SORCS3: variants seen among roughly 807,000 people sequenced by gnomAD.
SORCS3 encodes the protein sortilin related VPS10 domain containing receptor 3.
A neutral mutation model predicts 146.3 loss-of-function variants in SORCS3; 57 were observed. The observed-to-expected ratio is 0.39, with a 90% confidence interval of 0.31 to 0.49. The LOEUF is 0.49. Ranked by LOEUF, SORCS3 falls within the 20% of genes least tolerant of loss-of-function variation. The pLI is 0.92. For synonymous variants in SORCS3, 653 were observed against 618.5 expected (o/e 1.06, Z -0.83); for missense variants, 1,341 against 1,575.5 (o/e 0.85, Z 2.52).
intron 6 of SORCS3, among the ~76,000 whole-genome samples, chr10:105,103,183 G>A (rs1007918104): frequency 8.5e-5 from 13 of 152,188 alleles, no homozygotes; most frequent in African/African-American, 1.4e-4. Flanking sequence ...TAAAATAGGC[G>A]AATGTTTGCA....
At chr10:105,175,315 C>T (rs2056392564) in intron 13 of SORCS3, among the ~76,000 whole-genome samples, 1 of 151,884 alleles carries the variant, frequency 6.6e-6, no homozygotes, top group African/African-American at 2.4e-5. Flanking sequence ...CTGCCTCAGC[C>T]TCCTAAAGTG....
intron 16 of SORCS3, among the ~76,000 whole-genome samples, chr10:105,201,761 G>T (rs1000732195): frequency 6.6e-6 from 1 of 151,998 alleles, no homozygotes; most frequent in Non-Finnish European, 1.5e-5. Context: ...TTTACCTCTG[G>T]CCCTGGCCTC....
intron 20 of SORCS3, among the ~76,000 whole-genome samples, chr10:105,226,308 A>G (rs2056733685): frequency 6.6e-6 from 1 of 152,072 alleles, no homozygotes. Context: ...ATCTATTAAC[A>G]TGATCATATG....
chr10:105,038,159 G>A (rs1805528917), intron 4 of SORCS3, among the ~76,000 whole-genome samples: 1 of 152,196 alleles, frequency 6.6e-6, no homozygotes. Context: ...TGTCCAGGAG[G>A]GACATCTTTG....
At chr10:104,728,796 G>T (rs1787605648) in intron 1 of SORCS3, among the ~76,000 whole-genome samples, 1 of 152,106 alleles carries the variant, frequency 6.6e-6, no homozygotes, top group Non-Finnish European at 1.5e-5. Context: ...AGCAAATGAT[G>T]GTGGAAGTCC....
chr10:105,151,645 A>G (rs1322632617), intron 9 of SORCS3, among the ~76,000 whole-genome samples: 3 of 152,056 alleles, frequency 2.0e-5, no homozygotes, highest in African/African-American at 7.2e-5. Flanking sequence ...GAAAGCAAGA[A>G]CTTATTTGGA....
chr10:104,951,798 C>G (rs566659674), intron 3 of SORCS3, among the ~76,000 whole-genome samples: 2 of 152,098 alleles, frequency 1.3e-5, no homozygotes, highest in Non-Finnish European at 2.9e-5. Context: ...AGTCACATCC[C>G]AGGATATTCT....
rs905675548 is a variant in SORCS3, at chr10:105,121,483, G to A, written c.1212+15968G>A. Among the ~76,000 whole-genome samples, 8 of 152,104 alleles carry A rather than the reference G, an allele frequency of 5.3e-5. No homozygotes were observed. The South Asian group carries it at 1.0e-3, about 20-fold the overall frequency. ...TGGGTTTATAAAGGATGACACAAGA[G>A]GACAATGATTGATTTCTCATTTCGT... On this transcript the variant is annotated intron_variant, in intron 7 of 26. Coordinates refer to ENST00000369701, the MANE Select transcript of SORCS3 (RefSeq NM_014978.3).
At chr10:104,822,296 C>A (rs1664099133) in intron 1 of SORCS3, among the ~76,000 whole-genome samples, 1 of 152,188 alleles carries the variant, frequency 6.6e-6, no homozygotes, top group South Asian at 2.1e-4. Context: ...TTTTCCTTGG[C>A]AAGTTTTCCT....
At chr10:104,989,901 A>G (rs530907530) in intron 4 of SORCS3, among the ~76,000 whole-genome samples, 7 of 152,274 alleles carry the variant, frequency 4.6e-5, no homozygotes, top group Admixed American at 2.6e-4. Context: ...CCTCATATTT[A>G]TGTTATTTCA....
intron 1 of SORCS3, among the ~76,000 whole-genome samples, chr10:104,735,456 G>GTTTTTTTTCTTTT (rs2016757734): frequency 2.9e-5 from 1 of 34,994 alleles, no homozygotes; most frequent in Non-Finnish European, 4.8e-5. Context: ...CTCACCGTCT[G>GTTTTTTTTCTTTT]TTTTTTTTTT....
intron 3 of SORCS3, among the ~76,000 whole-genome samples, chr10:104,957,208 T>C (rs1161270285): frequency 6.6e-6 from 1 of 152,180 alleles, no homozygotes; most frequent in Non-Finnish European, 1.5e-5. Flanking sequence ...TCCTCTTTAA[T>C]ATAGACTGTC....
chr10:104,833,738 C>T (rs1243662402), intron 1 of SORCS3, among the ~76,000 whole-genome samples: 2 of 152,184 alleles, frequency 1.3e-5, no homozygotes, highest in Non-Finnish European at 2.9e-5. Flanking sequence ...GACCTAGACT[C>T]ATGTCTTACA....
chr10:104,847,988 G>C (rs909596851), intron 2 of SORCS3, among the ~76,000 whole-genome samples: 3 of 151,998 alleles, frequency 2.0e-5, no homozygotes, highest in African/African-American at 7.2e-5. Context: ...TCTGCTTATG[G>C]GTAGCTTTAT....
At chr10:105,212,736 A>C (rs565831348) in intron 17 of SORCS3, among the ~76,000 whole-genome samples, 1 of 152,314 alleles carries the variant, frequency 6.6e-6, no homozygotes, top group South Asian at 2.1e-4. Context: ...AGCTTGAGTT[A>C]ATGGCCAATT....
At chr10:104,915,683 TA>T (rs1194723819) in intron 2 of SORCS3, 149 bp from the exon 3 acceptor site, 3 of 666,224 alleles carry the variant, frequency 4.5e-6, no homozygotes, top group African/African-American at 1.8e-5. Context: ...ATTGCTCTTC[TA>T]AAATTAATGG....
intron 4 of SORCS3, among the ~76,000 whole-genome samples, chr10:104,996,347 ATTTG>A (rs2133667754): frequency 6.6e-6 from 1 of 152,132 alleles, no homozygotes; most frequent in Non-Finnish European, 1.5e-5. Flanking sequence ...CCATCTCTTT[ATTTG>A]TTTTAGTTTC....
chr10:104,773,216 C>T (rs1156452518), intron 1 of SORCS3, among the ~76,000 whole-genome samples: 3 of 152,092 alleles, frequency 2.0e-5, no homozygotes, highest in African/African-American at 7.2e-5. Context: ...TATCTGAGAC[C>T]ACAGAGGCAT....
intron 2 of SORCS3, among the ~76,000 whole-genome samples, chr10:104,904,310 T>A (rs546469496): frequency 3.9e-4 from 59 of 152,346 alleles, no homozygotes; most frequent in Non-Finnish European, 7.3e-4. Context: ...GCAGTGAAAC[T>A]GGTACTTTTA....
Sources: gnomAD v4.1 joint callset for allele counts (sites outside exome capture counted in the v4.1 genomes callset) on GRCh38, gnomAD v4.1.1 for gene constraint, MANE v1.5 for transcripts, NCBI Gene and HGNC (gene_info 2026-07-23, HGNC 2026-07-21) for gene names.